GOLM1: variants seen among roughly 807,000 people sequenced by gnomAD.
GOLM1 encodes the protein golgi membrane protein 1, also known as epididymis luminal protein 46.
Under a neutral mutation model 50.5 loss-of-function variants are expected in GOLM1, and 31 were observed. That is an observed-to-expected ratio of 0.61 (90% CI 0.46 to 0.83). The LOEUF is 0.83. GOLM1 is among the 40% of genes least tolerant of loss of function. GOLM1 has a pLI of 0.00. For missense variants in GOLM1, 491 were observed against 501.3 expected, an observed-to-expected ratio of 0.98 and a Z score of 0.20; for synonymous variants, 178 against 192.8, an observed-to-expected ratio of 0.92 and a Z score of 0.64.
chr9:86,067,526 A>G (rs919147053), intron 3 of GOLM1, among the ~76,000 whole-genome samples: 41 of 152,230 alleles, frequency 2.7e-4, no homozygotes, highest in African/African-American at 9.9e-4. Context: ...ACTAACTCCC[A>G]AAGGGGGAGT....
chr9:86,040,349 T>G (rs1286576469), intron 6 of GOLM1, among the ~76,000 whole-genome samples: 1 of 152,186 alleles, frequency 6.6e-6, no homozygotes, highest in Admixed American at 6.5e-5. Flanking sequence ...GGAGGTGGAA[T>G]GACAGCACGA....
intron 3 of GOLM1, among the ~76,000 whole-genome samples, 183 bp from the exon 4 acceptor site, chr9:86,052,774 A>G (rs1250829133): frequency 6.6e-6 from 1 of 152,104 alleles, no homozygotes; most frequent in Non-Finnish European, 1.5e-5. Flanking sequence ...AGGCCGACCT[A>G]GAGATCCGCT....
chr9:86,069,136 TA>T (rs1183687196), intron 3 of GOLM1, among the ~76,000 whole-genome samples: 3 of 126,218 alleles, frequency 2.4e-5, no homozygotes, highest in Middle Eastern at 3.8e-3. Context: ...ATGTAATCTC[TA>T]TTTTTTTTTT....
rs1436729741 is a variant in GOLM1 at position 86,027,483 on chromosome 9, A to G, written c.*334T>C. 5.4e-6 allele frequency: 6 copies of G among 1,105,342 alleles called. No homozygotes were observed. Among genetic ancestry groups the G allele is most frequent in the Non-Finnish European group, 6.6e-6 (6 of 905,976 alleles). The allele number at this position is 1,105,342 out of a possible 1,614,324, so 68.5% of individuals were successfully genotyped here. A position where few individuals can be genotyped will look rare whatever the true frequency, so the allele number is the denominator to read the frequency against. ...TGGACTCTTCTATAGGTGGCTGTTA[A>G]TTTACACAAAGTTATATTCCAGAAT... On this transcript the variant is annotated 3_prime_UTR_variant, in exon 10 of 10. Transcript: ENST00000388712.
intron 3 of GOLM1, among the ~76,000 whole-genome samples, chr9:86,076,049 GA>G (rs1356668742): frequency 6.6e-6 from 1 of 152,154 alleles, no homozygotes; most frequent in African/African-American, 2.4e-5. Flanking sequence ...GACAATTCAA[GA>G]TAATGGAAGT....
intron 3 of GOLM1, among the ~76,000 whole-genome samples, chr9:86,074,461 C>A (rs111241195): frequency 6.6e-6 from 1 of 152,218 alleles, no homozygotes; most frequent in Non-Finnish European, 1.5e-5. Context: ...AGCTTCAGCA[C>A]TGACCAACTC....
In GOLM1 at chr9:86,035,430, G is replaced by A; in HGVS notation, c.953C>T (p.Pro318Leu). The A allele has an allele frequency of 1.2e-6, 2 of 1,613,912 alleles. No homozygotes were observed. The highest frequency in any genetic ancestry group is 2.2e-5 in the South Asian group (2 of 91,068). ...GGGGATGACAAGCTGGTCTCGCTCAGGGCCCTCCATCTCTGGATTTTCCTG... is the reference window on the plus strand; with the variant it reads ...GGGGATGACAAGCTGGTCTCGCTCAAGGCCCTCCATCTCTGGATTTTCCTG... Reference protein sequence around the residue: ...VSQENPEMEGPERDQLVIPDG... With the variant: ...VSQENPEMEGLERDQLVIPDG... The change falls in exon 8 of 10, where the codon CCT becomes CTT. Residue 318 changes from proline to leucine, a missense_variant. Transcript: ENST00000388712.
At chr9:86,051,790 A>C (rs985562701) in intron 4 of GOLM1, among the ~76,000 whole-genome samples, 5 of 152,106 alleles carry the variant, frequency 3.3e-5, no homozygotes, top group Non-Finnish European at 5.9e-5. Context: ...TGGGAAACGT[A>C]GGGTTACACA....
At chr9:86,036,138 C>G (rs978883648) in intron 7 of GOLM1, among the ~76,000 whole-genome samples, 2 of 152,048 alleles carry the variant, frequency 1.3e-5, no homozygotes, top group Non-Finnish European at 2.9e-5. Flanking sequence ...CTCTACACAG[C>G]TGCCCAGGAA....
intron 9 of GOLM1, among the ~76,000 whole-genome samples, chr9:86,029,342 G>A (rs1337959062): frequency 1.3e-5 from 2 of 152,142 alleles, no homozygotes; most frequent in Non-Finnish European, 2.9e-5. Flanking sequence ...CCTGTGCGGC[G>A]TGACTCCCTT....
At chr9:86,068,708 T>C (rs1316097768) in intron 3 of GOLM1, among the ~76,000 whole-genome samples, 2 of 152,272 alleles carry the variant, frequency 1.3e-5, no homozygotes, top group Non-Finnish European at 2.9e-5. Flanking sequence ...ATGTTTGTTA[T>C]GGGTTTAACT....
chr9:86,097,317 T>C lies in GOLM1; in HGVS notation c.-22+2094A>G, dbSNP rs1008263214. ...ATAGTAGCACCATTCCTTCTGTTCCTTCTACTTTTTTACAAATGTTTAAAA... is the reference window on the plus strand; with the variant it reads ...ATAGTAGCACCATTCCTTCTGTTCCCTCTACTTTTTTACAAATGTTTAAAA... On this transcript the variant is annotated intron_variant, in intron 1 of 9. Transcript: ENST00000388712. Among the ~76,000 whole-genome samples, 6 of 152,346 alleles carry C rather than the reference T, an allele frequency of 3.9e-5. No individual in the cohort carries two copies. The South Asian group carries it at 1.2e-3, about 32-fold the overall frequency.
chr9:86,040,874 G>A lies in GOLM1; in HGVS notation c.468-6C>T. ...TCTGATTGATGCACTGGCTCCTTTG[G>A]TGAAAGAAAGCAAAGGAAGGGCCTG... is the stretch of plus-strand genomic sequence containing the variant. On this transcript the variant is annotated splice_polypyrimidine_tract_variant and splice_region_variant and intron_variant, in intron 5 of 9. Coordinates refer to ENST00000388712, the MANE Select transcript of GOLM1 (RefSeq NM_016548.4). The A allele has an allele frequency of 6.2e-7, 1 of 1,612,818 alleles. No individual in the cohort carries two copies. Among genetic ancestry groups the A allele is most frequent in the East Asian group, 2.2e-5 (1 of 44,844 alleles).
At chr9:86,028,523 A>G (rs1391149400) in intron 9 of GOLM1, among the ~76,000 whole-genome samples, 1 of 152,154 alleles carries the variant, frequency 6.6e-6, no homozygotes, top group Non-Finnish European at 1.5e-5. Context: ...CCAAGCCCAC[A>G]TGATCTGATT....
At chr9:86,043,196 G>A (rs10120628) in intron 5 of GOLM1, among the ~76,000 whole-genome samples, 144 of 152,326 alleles carry the variant, frequency 9.5e-4, no homozygotes, top group African/African-American at 3.1e-3. Context: ...TTCATCTCAT[G>A]TGCTGACTCC....
At chr9:86,042,191 G>T (rs1344775142) in intron 5 of GOLM1, among the ~76,000 whole-genome samples, 1 of 152,222 alleles carries the variant, frequency 6.6e-6, no homozygotes, top group Non-Finnish European at 1.5e-5. Flanking sequence ...CTTGCTGCCT[G>T]GATTTATTTT....
At chr9:86,036,747 G>A in intron 6 of GOLM1, 1 of 515,498 alleles carries the variant, frequency 1.9e-6, no homozygotes, top group East Asian at 3.3e-5. Flanking sequence ...ACTGGGCAGT[G>A]ATTCTGCTGA....
chr9:86,085,647 A>G (rs1300298916), intron 1 of GOLM1, among the ~76,000 whole-genome samples: 3 of 151,312 alleles, frequency 2.0e-5, no homozygotes, highest in East Asian at 3.9e-4. Context: ...CCACCCCACC[A>G]CAGGCCCTGG....
intron 1 of GOLM1, among the ~76,000 whole-genome samples, chr9:86,088,420 G>GTGTATATATATATATATATA (rs1157260470): frequency 1.6e-4 from 14 of 86,296 alleles, no homozygotes; most frequent in African/African-American, 8.0e-4. Context: ...TTTGAAGGGT[G>GTGTATATATATATATATATA]TATATATATA....
Sources: gnomAD v4.1 joint callset for allele counts (sites outside exome capture counted in the v4.1 genomes callset) on GRCh38, gnomAD v4.1.1 for gene constraint, MANE v1.5 for transcripts, NCBI Gene and HGNC (gene_info 2026-07-23, HGNC 2026-07-21) for gene names.